F11R: variants seen among roughly 807,000 people sequenced by gnomAD.
F11R encodes F11 receptor.
Under a neutral mutation model 39.3 loss-of-function variants are expected in F11R, and 27 were observed. That is an observed-to-expected ratio of 0.69 (90% CI 0.51 to 0.95). F11R has a LOEUF of 0.95. F11R is among the 40% of genes least tolerant of loss of function. The probability of loss-of-function intolerance (pLI) is 0.00; values close to 1 mark genes in which losing one functional copy is unlikely to be tolerated. For synonymous variants in F11R, 131 were observed against 144.9 expected, an observed-to-expected ratio of 0.90 and a Z score of 0.69; for missense variants, 335 against 372.7, an observed-to-expected ratio of 0.90 and a Z score of 0.83.
At chr1:161,003,727 C>A (rs1648631981) in intron 1 of F11R, among the ~76,000 whole-genome samples, 1 of 152,014 alleles carries the variant, frequency 6.6e-6, no homozygotes, top group African/African-American at 2.4e-5. Context: ...CAGGCGCCCG[C>A]CACTACGCCT....
chr1:161,014,901 C>T (rs1330015263), intron 1 of F11R, among the ~76,000 whole-genome samples: 1 of 126,016 alleles, frequency 7.9e-6, no homozygotes, highest in Non-Finnish European at 1.7e-5. Context: ...AATCCCATCT[C>T]TACTAAAAAT....
intron 1 of F11R, among the ~76,000 whole-genome samples, chr1:161,019,593 CAA>C (rs1055209744): frequency 9.2e-4 from 44 of 47,920 alleles, no homozygotes; most frequent in Admixed American, 2.0e-3. Context: ...AACTCTAACT[CAA>C]AAAAAAAAAA....
chr1:161,016,423 C>CCGAGAT (rs1467437727), intron 1 of F11R, among the ~76,000 whole-genome samples: 2 of 152,078 alleles, frequency 1.3e-5, no homozygotes, highest in South Asian at 4.2e-4. Context: ...TTGCAGTGAG[C>CCGAGAT]CGAGATCGTG....
intron 1 of F11R, among the ~76,000 whole-genome samples, chr1:161,014,109 A>C (rs1649320100): frequency 6.6e-6 from 1 of 152,202 alleles, no homozygotes; most frequent in African/African-American, 2.4e-5. Flanking sequence ...CACAACCGTC[A>C]CACAATAGTG....
rs753833371 is a variant in F11R at position 161,001,273 on chromosome 1, C to T, written c.133+12G>A. The T allele has an allele frequency of 6.2e-7, 1 of 1,613,754 alleles. No individual in the cohort carries two copies. Among genetic ancestry groups the T allele is most frequent in the Admixed American group, 1.7e-5 (1 of 60,018 alleles). Reference sequence around the variant, plus strand: ...CTCACCCTCACACCCTCCATGGCCCCTCCCAACTCACGATTATTCTCAGGA... The same window carrying T: ...CTCACCCTCACACCCTCCATGGCCCTTCCCAACTCACGATTATTCTCAGGA... On this transcript the variant is annotated intron_variant, in intron 2 of 9. Transcript: ENST00000368026.
chr1:161,019,415 G>A (rs925176493), intron 1 of F11R, among the ~76,000 whole-genome samples: 1 of 152,034 alleles, frequency 6.6e-6, no homozygotes, highest in African/African-American at 2.4e-5. Flanking sequence ...GACCAACATG[G>A]TGAAACCCCA....
At chr1:161,015,439 A>C (rs2481083) in intron 1 of F11R, among the ~76,000 whole-genome samples, 34,020 of 146,014 alleles carry the variant, frequency 0.23, 4,116 homozygotes, top group Middle Eastern at 0.27. Flanking sequence ...CACACACACA[A>C]AAATTAGCCA....
At chr1:161,016,550 G>A (rs1261530262) in intron 1 of F11R, among the ~76,000 whole-genome samples, 5 of 151,674 alleles carry the variant, frequency 3.3e-5, no homozygotes, top group African/African-American at 1.2e-4. Context: ...CCAGCTGCTG[G>A]GGAGGCTAAG....
chr1:161,020,973 C>T (rs1198477527), intron 1 of F11R, 37 bp downstream of exon 1: 2 of 1,606,610 alleles, frequency 1.2e-6, no homozygotes, highest in Non-Finnish European at 1.7e-6. Context: ...ACCTCTGACC[C>T]GACCAACCGA....
chr1:161,000,467 CT>C (rs1648415482), intron 4 of F11R, 119 bp from the exon 5 acceptor site: 1 of 1,401,460 alleles, frequency 7.1e-7, no homozygotes, highest in African/African-American at 1.4e-5. Context: ...CACCATGCCC[CT>C]GGCTGCCACC....
At chr1:161,006,630 T>C (rs1648833177) in intron 1 of F11R, among the ~76,000 whole-genome samples, 1 of 152,184 alleles carries the variant, frequency 6.6e-6, no homozygotes, top group Non-Finnish European at 1.5e-5. Flanking sequence ...TTGTTTCAAA[T>C]ACACGAACCT....
intron 4 of F11R, 57 bp from the exon 5 acceptor site, chr1:161,000,405 A>C: frequency 6.4e-7 from 1 of 1,556,768 alleles, no homozygotes; most frequent in Non-Finnish European, 8.8e-7. Flanking sequence ...CTTGAGTCTA[A>C]GTAACCAACT....
At chr1:161,013,145 A>G (rs999916449) in intron 1 of F11R, among the ~76,000 whole-genome samples, 3 of 151,754 alleles carry the variant, frequency 2.0e-5, no homozygotes, top group South Asian at 2.1e-4. Flanking sequence ...AAAAAAAAAA[A>G]AAGAAGAAAG....
intron 1 of F11R, among the ~76,000 whole-genome samples, chr1:161,013,876 C>CCTTCCAG (rs1417273496): frequency 1.3e-5 from 2 of 152,226 alleles, no homozygotes; most frequent in African/African-American, 4.8e-5. Context: ...GAAGGTCGAG[C>CCTTCCAG]CTTCCAGCGC....
At chr1:161,010,084 A>T (rs549260737) in intron 1 of F11R, among the ~76,000 whole-genome samples, 1 of 151,940 alleles carries the variant, frequency 6.6e-6, no homozygotes, top group Non-Finnish European at 1.5e-5. Flanking sequence ...CTATGAGACA[A>T]GTACCATTGA....
At chr1:161,013,816 C>T (rs1186940716) in intron 1 of F11R, among the ~76,000 whole-genome samples, 1 of 152,138 alleles carries the variant, frequency 6.6e-6, no homozygotes, top group Non-Finnish European at 1.5e-5. Context: ...TGCAGAATTT[C>T]CGGTTCTACC....
intron 1 of F11R, among the ~76,000 whole-genome samples, chr1:161,003,095 G>A (rs912094495): frequency 9.9e-5 from 14 of 141,070 alleles, no homozygotes; most frequent in East Asian, 4.1e-4. Flanking sequence ...GATTACAGGC[G>A]CTTACCACCA....
At chr1:161,003,026 T>C (rs1297432217) in intron 1 of F11R, among the ~76,000 whole-genome samples, 1 of 151,070 alleles carries the variant, frequency 6.6e-6, no homozygotes, top group Non-Finnish European at 1.5e-5. Context: ...CTATCTCAGC[T>C]CACTGCAGCC....
chr1:161,002,607 CAG>C (rs992456064), intron 1 of F11R: 7 of 152,178 alleles, frequency 4.6e-5, no homozygotes, highest in Non-Finnish European at 8.8e-5. Flanking sequence ...AGCTTCAAGT[CAG>C]GACCCTGTCT....
Sources: gnomAD v4.1 joint callset for allele counts (sites outside exome capture counted in the v4.1 genomes callset) on GRCh38, gnomAD v4.1.1 for gene constraint, MANE v1.5 for transcripts, NCBI Gene and HGNC (gene_info 2026-07-23, HGNC 2026-07-21) for gene names.